The following RGS12 variants were observed in gnomAD, a reference collection of about 807,000 sequenced individuals.
RGS12 encodes the protein regulator of G protein signaling 12, also known as regulator of G-protein signaling 12.
Under a neutral mutation model 120.1 loss-of-function variants are expected in RGS12, and 66 were observed. That is an observed-to-expected ratio of 0.55 (90% CI 0.45 to 0.67). The LOEUF is 0.67. RGS12 is among the 30% of genes least tolerant of loss of function. RGS12 has a pLI of 0.00. For missense variants in RGS12, 1,859 were observed against 1,957.7 expected (o/e 0.95, Z 0.95); for synonymous variants, 827 against 804.7 (o/e 1.03, Z -0.47).
At chr4:3,369,989 G>C in intron 3 of RGS12, 1 of 1,214,118 alleles carries the variant, frequency 8.2e-7, no homozygotes, top group Non-Finnish European at 1.0e-6. Flanking sequence ...CCTGTCGGCC[G>C]AAGTTTTATT....
At chr4:3,287,433 G>T in the RGS12 span, among the ~76,000 whole-genome samples, 1 of 152,074 alleles carries the variant, frequency 6.6e-6, no homozygotes, top group African/African-American at 2.4e-5. Context: ...GCCAAGCTTC[G>T]GTTCTTTGAC....
rs774231625 is a variant in RGS12, at chr4:3,420,645, C to A, written c.2765C>A (p.Ala922Asp). Residue 922 changes from alanine to aspartate, a missense_variant, in exon 10 of 18, where the codon GCC (alanine) becomes GAC (aspartate). By Grantham distance (126) the Ala-to-Asp change is moderately radical (BLOSUM62 -2). This residue lies in a region of RGS12 where 375 missense variants were observed against 475.0 expected (regional missense o/e 0.79). Transcript: ENST00000336727. ...KREHGDHADDALHANGGLCRR... is the reference protein window; with the variant it reads ...KREHGDHADDDLHANGGLCRR... The stretch of plus-strand genomic sequence containing the variant: ...TCACTGTGTTTCCCCTGTCAAGACG[C>A]CCTGCATGCCAATGGAGGCCTGTGT... The A allele has an allele frequency of 5.0e-5, 80 of 1,613,552 alleles. No individual in the cohort carries two copies. The highest frequency in any genetic ancestry group is 6.3e-5 in the Non-Finnish European group (74 of 1,180,020).
chr4:3,303,388 C>T (rs959058646), intron 1 of RGS12, among the ~76,000 whole-genome samples: 5 of 152,226 alleles, frequency 3.3e-5, no homozygotes, highest in African/African-American at 1.2e-4. Flanking sequence ...AGCCACAGGG[C>T]ACCTGCTGGC....
At chr4:3,300,831 C>A (rs1229259369) in intron 1 of RGS12, among the ~76,000 whole-genome samples, 2 of 152,236 alleles carry the variant, frequency 1.3e-5, no homozygotes, top group African/African-American at 4.8e-5. Flanking sequence ...CTGGGAAATT[C>A]AGGATCATTG....
chr4:3,415,258 C>CT (rs1489619333), intron 6 of RGS12, among the ~76,000 whole-genome samples: 1 of 151,980 alleles, frequency 6.6e-6, no homozygotes, highest in Non-Finnish European at 1.5e-5. Context: ...CAGGGAGCAT[C>CT]TAGAGCAGTT....
At chr4:3,386,281 G>A (rs914282719) in intron 3 of RGS12, 135 bp from the exon 4 acceptor site, 40 of 824,466 alleles carry the variant, frequency 4.9e-5, no homozygotes, top group African/African-American at 4.6e-4. Flanking sequence ...TGGCTTTCCC[G>A]GGACACCTCC....
intron 4 of RGS12, among the ~76,000 whole-genome samples, chr4:3,407,189 AG>A (rs998190415): frequency 3.3e-5 from 5 of 152,218 alleles, no homozygotes. Context: ...TGCCACGTGC[AG>A]TCACCTAGCT....
intron 3 of RGS12, among the ~76,000 whole-genome samples, chr4:3,363,204 AACTAGCAGTT>A (rs1560115542): frequency 6.6e-6 from 1 of 152,136 alleles, no homozygotes; most frequent in Non-Finnish European, 1.5e-5. Context: ...GGCTGTTTGG[AACTAGCAGTT>A]CTGTCCCTCT....
chr4:3,287,795 G>A, the RGS12 span, among the ~76,000 whole-genome samples: 1 of 152,250 alleles, frequency 6.6e-6, no homozygotes, highest in South Asian at 2.1e-4. Flanking sequence ...TGCCCCACCT[G>A]GAAGGTAGTC....
At chr4:3,348,919 T>C (rs923007504) in intron 3 of RGS12, among the ~76,000 whole-genome samples, 3 of 152,160 alleles carry the variant, frequency 2.0e-5, no homozygotes, top group Non-Finnish European at 4.4e-5. Flanking sequence ...CCTGGAGAAA[T>C]GAAATTGCCA....
In RGS12 at chr4:3,439,635, G is replaced by A. The variant is rs978766680; in HGVS notation, c.4295G>A (p.Gly1432Asp). 6.3e-7 allele frequency: 1 copy of A among 1,591,222 alleles called. No individual in the cohort carries two copies. Among genetic ancestry groups the A allele is most frequent in the African/African-American group, 1.3e-5 (1 of 74,740 alleles). The change falls in exon 18 of 18, where the codon GGT becomes GAT. Residue 1432 changes from glycine to aspartate, a missense_variant. By Grantham distance (94) the Gly-to-Asp change is moderately conservative (BLOSUM62 -1). Transcript: ENST00000336727. The stretch of plus-strand genomic sequence containing the variant: ...CTCCCTGGCTTGGGCCCCGTCCCGG[G>A]TGAGCCTGCTAAGCCCAAGACCAGC... The part of the protein sequence containing the change: ...SDLPGLGPVP[G>D]EPAKPKTSAH...
chr4:3,415,856 G>C, intron 6 of RGS12, 122 bp from the exon 7 acceptor site: 1 of 951,150 alleles, frequency 1.1e-6, no homozygotes, highest in South Asian at 1.7e-5. Flanking sequence ...ATTCAAGCAA[G>C]AGGTATTTAC....
In RGS12 at chr4:3,306,631, C is replaced by T. The variant is rs114132355; in HGVS notation, c.-101-9439C>T. ...AACACAAATAGCTGTTGGTCTGCTC[C>T]GGCACCGAAGCCTCAGGATCACTGC... On this transcript the variant is annotated intron_variant, in intron 1 of 17. Coordinates refer to ENST00000336727, the MANE Select transcript of RGS12 (RefSeq NM_001394154.1). Among the ~76,000 whole-genome samples, 1,129 of 152,322 alleles carry T rather than the reference C, an allele frequency of 7.4e-3. 3 individuals carry two copies. The highest frequency in any genetic ancestry group is 0.012 in the Non-Finnish European group (832 of 68,028).
At chr4:3,329,486 T>A (rs1217501157) in intron 2 of RGS12, among the ~76,000 whole-genome samples, 1 of 152,032 alleles carries the variant, frequency 6.6e-6, no homozygotes, top group Non-Finnish European at 1.5e-5. Context: ...GAGAAGGAGA[T>A]GAGCACAGGA....
chr4:3,388,739 A>C (rs1398126412), intron 4 of RGS12, among the ~76,000 whole-genome samples: 1 of 152,210 alleles, frequency 6.6e-6, no homozygotes, highest in Non-Finnish European at 1.5e-5. Context: ...CACGGCAGTG[A>C]CAGGAGCCTG....
chr4:3,311,518 C>T (rs183284398), intron 1 of RGS12, among the ~76,000 whole-genome samples: 35 of 152,234 alleles, frequency 2.3e-4, no homozygotes, highest in Admixed American at 7.8e-4. Flanking sequence ...AGTGACAGTG[C>T]GGGTTGAGCA....
At chr4:3,308,945 CCAGACGCGGTCGGCACTCGCAG>C (rs1175050267) in intron 1 of RGS12, among the ~76,000 whole-genome samples, 1 of 152,242 alleles carries the variant, frequency 6.6e-6, no homozygotes, top group African/African-American at 2.4e-5. Context: ...GCGTGGAGTC[CCAGACGCGGTCGGCACTCGCAG>C]CACTGCTGAA....
chr4:3,439,759 G>A lies in RGS12; in HGVS notation c.*75G>A. ...CCCAGGTGGATTCTGTGGGCCTCAG[G>A]GGGGCCACCCTGGCCACCACACCCT... On this transcript the variant is annotated 3_prime_UTR_variant, in exon 18 of 18. Transcript: ENST00000336727. 2.2e-6 allele frequency: 3 copies of A among 1,373,992 alleles called. No homozygotes were observed. Among genetic ancestry groups the A allele is most frequent in the Non-Finnish European group, 2.9e-6 (3 of 1,036,396 alleles). The allele number at this position is 1,373,992 out of a possible 1,614,324, so 85.1% of individuals were successfully genotyped here.
chr4:3,342,024 G>A (rs1713286198), intron 2 of RGS12, among the ~76,000 whole-genome samples: 1 of 151,400 alleles, frequency 6.6e-6, no homozygotes, highest in South Asian at 2.1e-4. Flanking sequence ...GAGGGGAGAG[G>A]CGGGAGGGTG....
Sources: gnomAD v4.1 joint callset for allele counts (sites outside exome capture counted in the v4.1 genomes callset) on GRCh38, gnomAD v4.1.1 for gene constraint, gnomAD v4.1.1 regional missense constraint, MANE v1.5 for transcripts, NCBI Gene and HGNC (gene_info 2026-07-23, HGNC 2026-07-21) for gene names.